Variants in PCDHGB3 observed in about 807,000 individuals in gnomAD.
The protein encoded by PCDHGB3 is protocadherin gamma-B3.
PCDHGB3 carries 40 observed loss-of-function variants against 59.2 expected under a neutral mutation model. That is an observed-to-expected ratio of 0.68 (90% CI 0.52 to 0.88). The LOEUF (loss-of-function observed/expected upper bound fraction) is 0.88, where lower values mean the gene tolerates loss of function less well. PCDHGB3 is among the 40% of genes least tolerant of loss of function. The probability of loss-of-function intolerance (pLI) is 0.00; values close to 1 mark genes in which losing one functional copy is unlikely to be tolerated. For synonymous variants in PCDHGB3, 581 were observed against 503.6 expected, an observed-to-expected ratio of 1.15 and a Z score of -2.06; for missense variants, 1,309 against 1,187.9, an observed-to-expected ratio of 1.10 and a Z score of -1.50.
intron 2 of PCDHGB3, among the ~76,000 whole-genome samples, chr5:141,500,904 C>T (rs2099803610): frequency 6.6e-6 from 1 of 151,662 alleles, no homozygotes; most frequent in Non-Finnish European, 1.5e-5. Context: ...CAGTCTCGCT[C>T]TGTCTCCAGG....
At chr5:141,420,036 G>A (rs1370492350) in intron 1 of PCDHGB3, 1 of 1,614,078 alleles carries the variant, frequency 6.2e-7, no homozygotes. Flanking sequence ...GCAGGAGACT[G>A]CTTTGAGTCA....
At chr5:141,433,406 T>C (rs2097604777) in intron 1 of PCDHGB3, among the ~76,000 whole-genome samples, 1 of 149,982 alleles carries the variant, frequency 6.7e-6, no homozygotes, top group Non-Finnish European at 1.5e-5. Flanking sequence ...TATCTATCTA[T>C]TACTTTCTTG....
intron 1 of PCDHGB3, among the ~76,000 whole-genome samples, chr5:141,457,674 A>G (rs577008886): frequency 2.9e-4 from 44 of 152,256 alleles, no homozygotes; most frequent in South Asian, 2.1e-4. Flanking sequence ...GGTTATTTCT[A>G]CATAGGACTT....
At chr5:141,394,782 A>T (rs779984453) in intron 1 of PCDHGB3, 1 of 1,613,558 alleles carries the variant, frequency 6.2e-7, no homozygotes. Flanking sequence ...TCTCTCCGCC[A>T]CTGTCACGCT....
rs1368226100 is a variant in PCDHGB3, at chr5:141,511,268, C to T, written c.*95C>T. The stretch of plus-strand genomic sequence containing the variant: ...CAGGCCTCAGAGTTTCAGGGCTAAC[C>T]CCCAGAATACTGGTAGGGGCCAAGG... On this transcript the variant is annotated 3_prime_UTR_variant, in exon 4 of 4. Coordinates refer to ENST00000576222, the MANE Select transcript of PCDHGB3 (RefSeq NM_018924.5). 1.9e-6 allele frequency: 3 copies of T among 1,546,408 alleles called. No individual in the cohort carries two copies. The highest frequency in any genetic ancestry group is 2.4e-5 in the East Asian group (1 of 41,246).
chr5:141,450,675 CG>C (rs2098689980), intron 1 of PCDHGB3, among the ~76,000 whole-genome samples: 1 of 151,614 alleles, frequency 6.6e-6, no homozygotes, highest in Non-Finnish European at 1.5e-5. Flanking sequence ...TTAGTAGAAA[CG>C]GGGTTTTGCC....
chr5:141,487,661 C>A lies in PCDHGB3; in HGVS notation c.2416-7146C>A. ...ACAAATGCTTGAGGGTTATTCTGATCCAGGCATATGGCTAGGCCATGTCCT... is the reference window on the plus strand; with the variant it reads ...ACAAATGCTTGAGGGTTATTCTGATACAGGCATATGGCTAGGCCATGTCCT... On this transcript the variant is annotated intron_variant, in intron 1 of 3. Transcript: ENST00000576222. This position sits in a 1 kb window ranked among gnomAD's most constrained non-coding sequence, Gnocchi z 5.0. The A allele has an allele frequency of 6.2e-7, 1 of 1,613,366 alleles. No homozygotes were observed. Among genetic ancestry groups the A allele is most frequent in the Non-Finnish European group, 8.5e-7 (1 of 1,179,646 alleles).
Position 141,451,680 on chromosome 5 carries a change from A to G in PCDHGB3, c.2416-43127A>G, listed in dbSNP as rs189200375. Among the ~76,000 whole-genome samples, 85 of 152,310 alleles carry G rather than the reference A, an allele frequency of 5.6e-4. 1 individual carries two copies. The East Asian group carries it at 0.012, about 21-fold the overall frequency. On this transcript the variant is annotated intron_variant, in intron 1 of 3. Coordinates refer to ENST00000576222, the MANE Select transcript of PCDHGB3 (RefSeq NM_018924.5). The stretch of plus-strand genomic sequence containing the variant: ...GTGGACTGCTTGAGCCCAGGAGTTC[A>G]AGACCAGCCTGGGTAACATGACAAA...
At chr5:141,396,724 A>G (rs957039654) in intron 1 of PCDHGB3, 1 of 152,212 alleles carries the variant, frequency 6.6e-6, no homozygotes, top group African/African-American at 2.4e-5. Flanking sequence ...TAATACCTGA[A>G]TTGATTGTTG....
In PCDHGB3 at chr5:141,372,782, G is replaced by A. The variant is rs761699184; in HGVS notation, c.2388G>A (p.Met796Ile). Residue 796 changes from methionine (M) to isoleucine (I), a missense_variant, in exon 1 of 4, where the codon ATG becomes ATA. Coordinates refer to ENST00000576222, the MANE Select transcript of PCDHGB3 (RefSeq NM_018924.5). ...SWFESNDNPE[M>I]PSNSGNLQKQ... is the part of the protein sequence containing the mutation. Reference sequence around the variant, plus strand: ...TTGAAAGTAATGACAATCCAGAAATGCCTTCTAATTCAGGCAATTTGCAAA... The same window carrying A: ...TTGAAAGTAATGACAATCCAGAAATACCTTCTAATTCAGGCAATTTGCAAA... The A allele has an allele frequency of 1.2e-5, 19 of 1,608,122 alleles. No individual in the cohort carries two copies. Among genetic ancestry groups the A allele is most frequent in the African/African-American group, 5.3e-5 (4 of 74,826 alleles).
Position 141,414,991 on chromosome 5 carries a change from G to A in PCDHGB3, c.2415+42182G>A, listed in dbSNP as rs1162432290. ...GGTGGACAGAGACTCCGGCCAGAAC[G>A]CCTGGCTGTCCTACCGTCTGCTCAA... On this transcript the variant is annotated intron_variant, in intron 1 of 3. Transcript: ENST00000576222. 10 of 1,613,648 alleles carry A rather than the reference G, an allele frequency of 6.2e-6. No homozygotes were observed. The Admixed American group carries it at 1.2e-4, about 19-fold the overall frequency.
chr5:141,431,364 G>A lies in PCDHGB3; in HGVS notation c.2415+58555G>A. 1 of 1,614,010 alleles carries A rather than the reference G, an allele frequency of 6.2e-7. No homozygotes were observed. The highest frequency in any genetic ancestry group is 8.5e-7 in the Non-Finnish European group (1 of 1,180,022). On this transcript the variant is annotated intron_variant, in intron 1 of 3. Coordinates refer to ENST00000576222, the MANE Select transcript of PCDHGB3 (RefSeq NM_018924.5). This position sits in a 1 kb window ranked among gnomAD's most constrained non-coding sequence, Gnocchi z 4.8. ...TTGGTGCTGAAACGCGCCCTGGACCGCGAAGAAAAGGCTGCTCACCACCTG... is the reference window on the plus strand; with the variant it reads ...TTGGTGCTGAAACGCGCCCTGGACCACGAAGAAAAGGCTGCTCACCACCTG...
chr5:141,385,024 C>T lies in PCDHGB3; in HGVS notation c.2415+12215C>T, dbSNP rs756021455. 5.6e-6 allele frequency: 9 copies of T among 1,614,158 alleles called. No individual in the cohort carries two copies. In the East Asian group the frequency reaches 1.1e-4, roughly 20 times the overall value. ...CTCCTGCGTCTTCCTAGCCTTCGTC[C>T]TCGTACTGCTGGCGCTCAGGCTGCG... On this transcript the variant is annotated intron_variant, in intron 1 of 3. Coordinates refer to ENST00000576222, the MANE Select transcript of PCDHGB3 (RefSeq NM_018924.5).
chr5:141,413,824 A>C, intron 1 of PCDHGB3: 1 of 1,613,112 alleles, frequency 6.2e-7, no homozygotes, highest in South Asian at 1.1e-5. Flanking sequence ...CCTGGTCCTC[A>C]CCGCCTCCGA....
intron 1 of PCDHGB3, chr5:141,421,816 C>T (rs981400135): frequency 1.2e-5 from 19 of 1,613,696 alleles, no homozygotes; most frequent in Non-Finnish European, 1.4e-5. Context: ...AGAGCTAGTA[C>T]TGGAGGGAAG....
intron 1 of PCDHGB3, among the ~76,000 whole-genome samples, chr5:141,459,111 A>G (rs2098961190): frequency 1.3e-5 from 2 of 152,218 alleles, no homozygotes; most frequent in Non-Finnish European, 2.9e-5. Flanking sequence ...CATTTTGACA[A>G]TTGTTTACAT....
At chr5:141,373,930 A>G in intron 1 of PCDHGB3, 1 of 675,978 alleles carries the variant, frequency 1.5e-6, no homozygotes, top group Non-Finnish European at 2.3e-6. Context: ...TAGACGGGAA[A>G]GCAGGAAAGC....
intron 1 of PCDHGB3, chr5:141,388,884 G>A: frequency 1.9e-6 from 3 of 1,614,002 alleles, no homozygotes; most frequent in Non-Finnish European, 2.5e-6. Flanking sequence ...AGTGGAGGTA[G>A]AAGTCATAGA....
chr5:141,403,553 G>T, intron 1 of PCDHGB3: 6 of 1,613,980 alleles, frequency 3.7e-6, no homozygotes, highest in Non-Finnish European at 5.1e-6. Flanking sequence ...GCGCGCCCTG[G>T]ACAGGGAGGA....
Sources: allele counts gnomAD v4.1 joint callset (sites outside exome capture counted in the v4.1 genomes callset), GRCh38; gene constraint gnomAD v4.1.1; non-coding constraint Gnocchi (gnomAD v3.1); transcripts MANE v1.5; gene names NCBI Gene and HGNC (gene_info 2026-07-23, HGNC 2026-07-21).